LRRC3B: variants seen among roughly 807,000 people sequenced by gnomAD.
LRRC3B encodes leucine-rich repeat-containing protein 3B.
Under a neutral mutation model 12.8 loss-of-function variants are expected in LRRC3B, and 2 were observed. That is an observed-to-expected ratio of 0.16 (90% CI 0.06 to 0.49). LRRC3B has a LOEUF of 0.49. LRRC3B is among the 20% of genes least tolerant of loss of function. The pLI is 0.96. For missense variants in LRRC3B, 189 were observed against 319.4 expected (o/e 0.59, Z 3.11); for synonymous variants, 132 against 122.0 (o/e 1.08, Z -0.54).
At chr3:26,661,243 C>T (rs1699485955) in intron 1 of LRRC3B, among the ~76,000 whole-genome samples, 1 of 152,184 alleles carries the variant, frequency 6.6e-6, no homozygotes, top group Non-Finnish European at 1.5e-5. Flanking sequence ...AGGCAGATTC[C>T]TCTCTTAAGA....
chr3:26,676,390 C>T (rs892559399), intron 1 of LRRC3B, among the ~76,000 whole-genome samples: 8 of 152,002 alleles, frequency 5.3e-5, no homozygotes, highest in South Asian at 2.1e-4. Flanking sequence ...CAGCTTCATC[C>T]GTGTCCCTAC....
chr3:26,689,592 G>A (rs1455712189), intron 1 of LRRC3B, among the ~76,000 whole-genome samples: 1 of 152,106 alleles, frequency 6.6e-6, no homozygotes, highest in Non-Finnish European at 1.5e-5. Context: ...AGGAGGAGCC[G>A]GTAATTAGTG....
intron 1 of LRRC3B, among the ~76,000 whole-genome samples, chr3:26,671,469 G>A (rs1336793072): frequency 7.0e-6 from 1 of 143,448 alleles, no homozygotes; most frequent in Non-Finnish European, 1.5e-5. Flanking sequence ...TCAGCTCACT[G>A]CAACCTCTGC....
chr3:26,678,245 G>A (rs1399113062), intron 1 of LRRC3B, among the ~76,000 whole-genome samples: 1 of 152,002 alleles, frequency 6.6e-6, no homozygotes, highest in Non-Finnish European at 1.5e-5. Context: ...TGTAATCCCA[G>A]CACTTTGGGA....
chr3:26,653,174 C>A (rs1168248126), intron 1 of LRRC3B, among the ~76,000 whole-genome samples: 1 of 150,482 alleles, frequency 6.6e-6, no homozygotes, highest in African/African-American at 2.4e-5. Flanking sequence ...GACTAAAAGA[C>A]TGGATGAAAA....
chr3:26,649,777 C>T (rs1281314187), intron 1 of LRRC3B, among the ~76,000 whole-genome samples: 1 of 152,200 alleles, frequency 6.6e-6, no homozygotes, highest in African/African-American at 2.4e-5. Context: ...AGCCTGGCAT[C>T]TAAGGCCACC....
At chr3:26,670,105 C>G (rs1398653751) in intron 1 of LRRC3B, among the ~76,000 whole-genome samples, 1 of 151,984 alleles carries the variant, frequency 6.6e-6, no homozygotes. Flanking sequence ...TTTCTTTTGT[C>G]TCACTCATTT....
intron 1 of LRRC3B, among the ~76,000 whole-genome samples, chr3:26,649,791 T>C (rs889165488): frequency 6.6e-6 from 1 of 152,214 alleles, no homozygotes; most frequent in African/African-American, 2.4e-5. Flanking sequence ...GGCCACCCTA[T>C]GGGCCCGTTC....
chr3:26,671,373 T>TATATATATAG (rs1261897533), intron 1 of LRRC3B, among the ~76,000 whole-genome samples: 1 of 28,258 alleles, frequency 3.5e-5, no homozygotes, highest in Admixed American at 6.9e-4. Flanking sequence ...TATATATATA[T>TATATATATAG]AGAGAGAGAG....
At chr3:26,643,957 A>C (rs1301357131) in intron 1 of LRRC3B, among the ~76,000 whole-genome samples, 1 of 152,226 alleles carries the variant, frequency 6.6e-6, no homozygotes, top group Non-Finnish European at 1.5e-5. Context: ...ACATATACGC[A>C]CAAAGAGCAA....
chr3:26,699,649 G>A (rs758766583), intron 1 of LRRC3B, among the ~76,000 whole-genome samples: 1 of 152,004 alleles, frequency 6.6e-6, no homozygotes, highest in Non-Finnish European at 1.5e-5. Flanking sequence ...CATAAGTAAG[G>A]GCTTTCTAAA....
intron 1 of LRRC3B, among the ~76,000 whole-genome samples, chr3:26,653,261 T>C (rs1435468126): frequency 1.3e-5 from 2 of 152,210 alleles, no homozygotes; most frequent in African/African-American, 4.8e-5. Context: ...GGAAAATGAC[T>C]TGCATCTCCT....
intron 1 of LRRC3B, among the ~76,000 whole-genome samples, chr3:26,691,105 G>GTGTATATATATATATATATATA (rs372629683): frequency 4.7e-5 from 4 of 84,830 alleles, no homozygotes; most frequent in South Asian, 4.9e-4. Flanking sequence ...GTGTGTGTGT[G>GTGTATATATATATATATATATA]TATATATATA....
Position 26,671,348 on chromosome 3 carries a change from G to GTA in LRRC3B, c.-160-38164_-160-38163insAT, listed in dbSNP as rs1559361621. On this transcript the variant is annotated intron_variant, in intron 1 of 1. Coordinates refer to ENST00000396641, the Ensembl canonical transcript of LRRC3B. Reference sequence around the variant, plus strand: ...CTTATAAATGTGTGTGTATATATGTGTGTATATATATATATATATATATAT... The same window carrying GTA: ...CTTATAAATGTGTGTGTATATATGTGTATGTATATATATATATATATATATAT... Among the ~76,000 whole-genome samples, 225 of 66,304 alleles carry GTA rather than the reference G, an allele frequency of 3.4e-3. 13 individuals are homozygous for GTA. Among genetic ancestry groups the GTA allele is most frequent in the African/African-American group, 0.013 (206 of 16,010 alleles). 43.5% of individuals were successfully genotyped at this position (66,304 alleles called of 152,430 possible). A position where few individuals can be genotyped will look rare whatever the true frequency, so the allele number is the denominator to read the frequency against.
intron 1 of LRRC3B, chr3:26,623,774 C>G (rs1166637686): frequency 6.6e-6 from 1 of 152,308 alleles, no homozygotes; most frequent in Non-Finnish European, 1.5e-5. Flanking sequence ...GGGAGTCAGT[C>G]CATCCTTGCA....
chr3:26,707,570 G>A (rs1378285980), intron 1 of LRRC3B, among the ~76,000 whole-genome samples: 9 of 152,116 alleles, frequency 5.9e-5, no homozygotes, highest in Non-Finnish European at 1.3e-4. Flanking sequence ...GTGTCCTCCA[G>A]AAAAGGCTTC....
chr3:26,710,580 C>T, exon 2 of LRRC3B: 1 of 952,970 alleles, frequency 1.0e-6, no homozygotes, highest in Non-Finnish European at 1.5e-6. Context: ...TGAATTATGC[C>T]ACTGCTGAAC....
At chr3:26,656,169 G>GCTGCCA (rs1185952609) in intron 1 of LRRC3B, among the ~76,000 whole-genome samples, 46 of 152,264 alleles carry the variant, frequency 3.0e-4, no homozygotes, top group Non-Finnish European at 5.6e-4. Context: ...TGCTGCTGCT[G>GCTGCCA]CTGCCACTGC....
chr3:26,630,373 A>G (rs2125399740), intron 1 of LRRC3B, among the ~76,000 whole-genome samples: 1 of 152,350 alleles, frequency 6.6e-6, no homozygotes, highest in East Asian at 1.9e-4. Flanking sequence ...GTTTAAATGC[A>G]TAAAATATAA....
Sources: gnomAD v4.1 joint callset for allele counts (sites outside exome capture counted in the v4.1 genomes callset) on GRCh38, gnomAD v4.1.1 for gene constraint, MANE v1.5 for transcripts, NCBI Gene and HGNC (gene_info 2026-07-23, HGNC 2026-07-21) for gene names.